VGLL3: variants seen among roughly 807,000 people sequenced by gnomAD.
VGLL3 encodes transcription cofactor vestigial-like protein 3.
Under a neutral mutation model 29.2 loss-of-function variants are expected in VGLL3, and 18 were observed. That is an observed-to-expected ratio of 0.62 (90% CI 0.43 to 0.91). The LOEUF (loss-of-function observed/expected upper bound fraction) is 0.91. VGLL3 is among the 40% of genes least tolerant of loss of function. The pLI is 0.00. For synonymous variants in VGLL3, 180 were observed against 151.8 expected, an observed-to-expected ratio of 1.19 and a Z score of -1.36; for missense variants, 440 against 413.2, an observed-to-expected ratio of 1.06 and a Z score of -0.56.
intron 3 of VGLL3, among the ~76,000 whole-genome samples, chr3:86,956,913 A>G (rs937746485): frequency 4.6e-5 from 7 of 152,072 alleles, no homozygotes; most frequent in Non-Finnish European, 1.5e-5. Flanking sequence ...TAATGCTAAG[A>G]TTAAAAGAAA....
At position 86,940,431 on chromosome 3, in the gene VGLL3, A is replaced by C. The variant is rs1704370246; in HGVS notation, c.*6593T>G. 6.6e-6 allele frequency: 1 copy of C among 152,590 alleles called. No homozygotes were observed. The highest frequency in any genetic ancestry group is 1.5e-5 in the Non-Finnish European group (1 of 67,994). 9.5% of individuals were successfully genotyped at this position (152,590 alleles called of 1,614,324 possible). A position where few individuals can be genotyped will look rare whatever the true frequency, so the allele number is the denominator to read the frequency against. Reference sequence around the variant, plus strand: ...CATTTCATTTTCTTTTCCATTATAAACATGTATTTTATAATCTATTCCTTG... The same window carrying C: ...CATTTCATTTTCTTTTCCATTATAACCATGTATTTTATAATCTATTCCTTG... On this transcript the variant is annotated 3_prime_UTR_variant, in exon 4 of 4. Coordinates refer to ENST00000398399, the MANE Select transcript of VGLL3 (RefSeq NM_016206.4).
chr3:86,986,567 C>T (rs1261945187), intron 1 of VGLL3, among the ~76,000 whole-genome samples: 1 of 152,014 alleles, frequency 6.6e-6, no homozygotes, highest in Non-Finnish European at 1.5e-5. Context: ...TCAAAGAAGT[C>T]CTGTATAAAT....
intron 3 of VGLL3, among the ~76,000 whole-genome samples, chr3:86,964,087 C>T (rs966724895): frequency 6.6e-6 from 1 of 152,058 alleles, no homozygotes; most frequent in Non-Finnish European, 1.5e-5. Context: ...GTGAATTTTT[C>T]AGTGGTTGGA....
intron 1 of VGLL3, among the ~76,000 whole-genome samples, chr3:86,989,972 G>A (rs1179420305): frequency 6.6e-5 from 10 of 152,120 alleles, no homozygotes; most frequent in South Asian, 4.1e-4. Context: ...CCTTTTGGCC[G>A]AGGGACCCAC....
Position 86,968,887 on chromosome 3 carries a change from G to A in VGLL3, c.640C>T (p.Gln214Ter). ...ATATGGCTGTAGGATGGGCTCACCT[G>A]AGATGTCAAAGGATAAGGCCAGGAC... ...SESWPYPLTS[Q>*]VSPSYSHMHD... The change falls in exon 3 of 4, where the codon CAG becomes TAG. Residue 214 changes from glutamine to a stop codon, truncating the protein, a stop_gained. Coordinates refer to ENST00000398399, the MANE Select transcript of VGLL3 (RefSeq NM_016206.4). LOFTEE classifies it high-confidence loss of function. 6.2e-7 allele frequency: 1 copy of A among 1,614,170 alleles called. No homozygotes were observed. Among genetic ancestry groups the A allele is most frequent in the Non-Finnish European group, 8.5e-7 (1 of 1,180,032 alleles).
chr3:86,963,600 A>G (rs150400152), intron 3 of VGLL3, among the ~76,000 whole-genome samples: 221 of 152,310 alleles, frequency 1.5e-3, no homozygotes, highest in Non-Finnish European at 2.2e-3. Context: ...TCTAAATAAT[A>G]AATTTTTAGA....
At chr3:86,956,095 G>C (rs1166398383) in intron 3 of VGLL3, among the ~76,000 whole-genome samples, 1 of 152,150 alleles carries the variant, frequency 6.6e-6, no homozygotes, top group African/African-American at 2.4e-5. Context: ...AGGCCATATA[G>C]AATTTTTCTA....
In VGLL3 at chr3:86,990,799, C is replaced by A. The variant is rs538181897; in HGVS notation, c.-56G>T. 36 of 1,233,522 alleles carry A rather than the reference C, an allele frequency of 2.9e-5. No individual in the cohort carries two copies. In the African/African-American group the frequency reaches 5.4e-4, roughly 18 times the overall value. 76.4% of individuals were successfully genotyped at this position (1,233,522 alleles called of 1,614,324 possible). ...GCCGCCGCCGCTCTACGCGCTGGCGCGAGGGGCGCGGGCGCCGCCGCCGCC... is the reference window on the plus strand; with the variant it reads ...GCCGCCGCCGCTCTACGCGCTGGCGAGAGGGGCGCGGGCGCCGCCGCCGCC... On this transcript the variant is annotated 5_prime_UTR_variant, in exon 1 of 4. Transcript: ENST00000398399.
chr3:86,955,942 T>C (rs544364136), intron 3 of VGLL3, among the ~76,000 whole-genome samples: 5 of 152,198 alleles, frequency 3.3e-5, no homozygotes, highest in Non-Finnish European at 5.9e-5. Flanking sequence ...ATATTTTGCT[T>C]CTCATCAGTC....
intron 2 of VGLL3, among the ~76,000 whole-genome samples, chr3:86,973,215 G>C (rs1309361236): frequency 6.6e-6 from 1 of 151,626 alleles, no homozygotes; most frequent in African/African-American, 2.4e-5. Flanking sequence ...AAGGAAAATG[G>C]GACAATGAAG....
rs576611498 is a variant in VGLL3 at position 86,944,349 on chromosome 3, G to C, written c.*2675C>G. The stretch of plus-strand genomic sequence containing the variant: ...CAAACTCAAACTCCCAGGCTCAAAC[G>C]TTCCTCCGGACTCAGCCTCCAGAGT... On this transcript the variant is annotated 3_prime_UTR_variant, in exon 4 of 4. Transcript: ENST00000398399. 2.0e-5 allele frequency: 3 copies of C among 152,510 alleles called. No individual in the cohort carries two copies. Among genetic ancestry groups the C allele is most frequent in the Non-Finnish European group, 4.4e-5 (3 of 68,362 alleles). 9.4% of individuals were successfully genotyped at this position (152,510 alleles called of 1,614,324 possible).
intron 3 of VGLL3, among the ~76,000 whole-genome samples, chr3:86,950,245 A>C (rs904881799): frequency 6.6e-6 from 1 of 152,198 alleles, no homozygotes; most frequent in Non-Finnish European, 1.5e-5. Context: ...TTCAGTAGAA[A>C]GGAAAAAAAA....
chr3:86,987,092 G>A (rs539290071), intron 1 of VGLL3, among the ~76,000 whole-genome samples: 24 of 152,162 alleles, frequency 1.6e-4, no homozygotes, highest in Middle Eastern at 6.8e-3. Context: ...ATGCTACACC[G>A]GAGAAAGGGG....
chr3:86,953,477 A>T (rs1281652317), intron 3 of VGLL3, among the ~76,000 whole-genome samples: 1 of 152,152 alleles, frequency 6.6e-6, no homozygotes, highest in Non-Finnish European at 1.5e-5. Context: ...TACGAGTTAC[A>T]TTTCTTAGAA....
intron 3 of VGLL3, among the ~76,000 whole-genome samples, chr3:86,959,003 A>G (rs1704781919): frequency 6.6e-6 from 1 of 152,180 alleles, no homozygotes; most frequent in East Asian, 1.9e-4. Context: ...ATCATCATAA[A>G]CTCAATAATG....
chr3:86,974,600 A>G (rs1392184997), intron 2 of VGLL3, among the ~76,000 whole-genome samples: 3 of 152,198 alleles, frequency 2.0e-5, no homozygotes, highest in African/African-American at 2.4e-5. Context: ...GGAGATATAC[A>G]TTCAAAGTAT....
chr3:86,988,470 C>G lies in VGLL3; in HGVS notation c.126+2148G>C, dbSNP rs1705497709. On this transcript the variant is annotated intron_variant, in intron 1 of 3. Transcript: ENST00000398399. ...CCACTTCACCCACGCATTGCATAGT[C>G]TAAAAATGCTGTCAGCCTGATAAGA... Among the ~76,000 whole-genome samples, 2 of 151,364 alleles carry G rather than the reference C, an allele frequency of 1.3e-5. 1 individual carries two copies. The highest frequency in any genetic ancestry group is 1.3e-4 in the Admixed American group (2 of 15,150).
chr3:86,950,414 G>A (rs530025526), intron 3 of VGLL3, among the ~76,000 whole-genome samples: 2 of 152,064 alleles, frequency 1.3e-5, no homozygotes, highest in African/African-American at 2.4e-5. Flanking sequence ...GAGAATTTAC[G>A]CAATCATTGA....
chr3:86,949,775 C>T (rs560438378), intron 3 of VGLL3, among the ~76,000 whole-genome samples: 4 of 145,432 alleles, frequency 2.8e-5, no homozygotes, highest in South Asian at 2.2e-4. Context: ...CACAGTGAGC[C>T]GAGATCATGC....
Sources: allele counts gnomAD v4.1 joint callset (sites outside exome capture counted in the v4.1 genomes callset), GRCh38; gene constraint gnomAD v4.1.1; transcripts MANE v1.5; gene names NCBI Gene and HGNC (gene_info 2026-07-23, HGNC 2026-07-21).